Variants in HS3ST5 observed in about 807,000 individuals in gnomAD.
The protein encoded by HS3ST5 is heparan sulfate glucosamine 3-O-sulfotransferase 5.
A neutral mutation model predicts 25.4 loss-of-function variants in HS3ST5; 10 were observed. That is an observed-to-expected ratio of 0.39 (90% CI 0.24 to 0.67). The LOEUF (loss-of-function observed/expected upper bound fraction) is 0.67, where lower values mean the gene tolerates loss of function less well. HS3ST5 is among the 30% of genes least tolerant of loss of function. The pLI, the probability that HS3ST5 is intolerant of heterozygous loss-of-function variation, is 0.44. For synonymous variants in HS3ST5, 170 were observed against 162.4 expected (o/e 1.05, Z -0.36); for missense variants, 324 against 420.7 (o/e 0.77, Z 2.01).
intron 3 of HS3ST5, among the ~76,000 whole-genome samples, chr6:114,160,162 A>T (rs187391559): frequency 9.8e-5 from 15 of 152,332 alleles, no homozygotes; most frequent in Admixed American, 9.8e-4. Context: ...GCCTGGCAGC[A>T]ATAGGCGTGC....
At chr6:114,134,024 C>T (rs1777475412) in intron 3 of HS3ST5, among the ~76,000 whole-genome samples, 1 of 151,476 alleles carries the variant, frequency 6.6e-6, no homozygotes, top group South Asian at 2.1e-4. Context: ...TAGTGGGAGG[C>T]GGTGGCTGGA....
At position 114,161,521 on chromosome 6, in the gene HS3ST5, T is replaced by TCATATA. The variant is rs1778947740; in HGVS notation, c.-33+6829_-33+6830insTATATG. On this transcript the variant is annotated intron_variant, in intron 3 of 4. Coordinates refer to ENST00000312719, the MANE Select transcript of HS3ST5 (RefSeq NM_153612.4). The stretch of plus-strand genomic sequence containing the variant: ...AAAACGACAGTTGCTTCCTGAAGTT[T>TCATATA]TATATATATATATATATATATATAT... Among the ~76,000 whole-genome samples, 9 of 33,540 alleles carry TCATATA rather than the reference T, an allele frequency of 2.7e-4. 1 individual carries two copies. In the South Asian group the frequency reaches 0.013, roughly 47 times the overall value. The allele number at this position is 33,540 out of a possible 152,430, so 22.0% of individuals were successfully genotyped here.
At chr6:114,062,059 G>T (rs956300693) in intron 4 of HS3ST5, among the ~76,000 whole-genome samples, 1 of 152,150 alleles carries the variant, frequency 6.6e-6, no homozygotes, top group Non-Finnish European at 1.5e-5. Flanking sequence ...CATTTACTGT[G>T]AAGCCAGCTG....
chr6:114,095,114 A>G (rs1283967864), intron 3 of HS3ST5, among the ~76,000 whole-genome samples: 1 of 152,218 alleles, frequency 6.6e-6, no homozygotes, highest in East Asian at 1.9e-4. Flanking sequence ...TTGATGAGGT[A>G]ATAAATGCAT....
intron 3 of HS3ST5, among the ~76,000 whole-genome samples, 196 bp downstream of exon 3, chr6:114,168,155 G>A (rs1053145024): frequency 6.6e-6 from 1 of 152,122 alleles, no homozygotes; most frequent in Non-Finnish European, 1.5e-5. Flanking sequence ...GGGCAATACT[G>A]AGGCAGGAAG....
At chr6:114,154,120 GA>G (rs1174603441) in intron 3 of HS3ST5, among the ~76,000 whole-genome samples, 6 of 152,238 alleles carry the variant, frequency 3.9e-5, no homozygotes, top group African/African-American at 1.2e-4. Context: ...GTCTATTAAC[GA>G]AGGAGAGGTA....
At position 114,341,383 on chromosome 6, in the gene HS3ST5, G is replaced by T. The variant is rs116111200; in HGVS notation, c.-339+812C>A. Among the ~76,000 whole-genome samples the T allele has an allele frequency of 7.6e-3, 1,154 of 152,242 alleles. 12 individuals carry two copies. Among genetic ancestry groups the T allele is most frequent in the African/African-American group, 0.027 (1,107 of 41,538 alleles). ...TAGAGGAAACCCACCAAGGTGAAGT[G>T]ACTCCGGAGTTGTTTGTTTGCTGGG... On this transcript the variant is annotated intron_variant, in intron 1 of 4. Coordinates refer to ENST00000312719, the MANE Select transcript of HS3ST5 (RefSeq NM_153612.4).
chr6:114,069,998 G>A (rs573255119), intron 3 of HS3ST5, among the ~76,000 whole-genome samples: 2 of 152,178 alleles, frequency 1.3e-5, no homozygotes, highest in East Asian at 3.9e-4. Context: ...TTGTTATATG[G>A]ATAAATCCTC....
chr6:114,235,615 T>A (rs149993634), intron 1 of HS3ST5: 1 of 152,184 alleles, frequency 6.6e-6, no homozygotes, highest in African/African-American at 2.4e-5. Flanking sequence ...ATTTTGGATT[T>A]TTTTTCTTCT....
Position 114,230,878 on chromosome 6 carries a change from G to A in HS3ST5, c.-338-2100C>T, listed in dbSNP as rs546570498. 3.6e-4 allele frequency among the ~76,000 whole-genome samples: 55 copies of A among 152,078 alleles called. No individual in the cohort carries two copies. In the East Asian group the frequency reaches 8.3e-3, roughly 23 times the overall value. On this transcript the variant is annotated intron_variant, in intron 1 of 4. Transcript: ENST00000312719. ...GCTGGGATTACAGGCTCGAGCCACC[G>A]CGCCCGGCCCCTAAGACGTACTTCT...
At chr6:114,119,925 T>C (rs1034351526) in intron 3 of HS3ST5, among the ~76,000 whole-genome samples, 5 of 152,006 alleles carry the variant, frequency 3.3e-5, no homozygotes, top group African/African-American at 1.2e-4. Context: ...GGTGGGTGGA[T>C]CTCAAGGTCA....
chr6:114,284,958 T>C (rs1315991364), intron 1 of HS3ST5, among the ~76,000 whole-genome samples: 7 of 152,072 alleles, frequency 4.6e-5, no homozygotes, highest in Non-Finnish European at 1.0e-4. Context: ...TGACCCATTA[T>C]CTAAGGGGCT....
rs1390659143 is a variant in HS3ST5, at chr6:114,337,196, T to C, written c.-339+4999A>G. Among the ~76,000 whole-genome samples the C allele has an allele frequency of 2.0e-5, 3 of 152,202 alleles. No homozygotes were observed. In the East Asian group the frequency reaches 5.8e-4, roughly 29 times the overall value. ...ATGACAAAATAAAATGTCTATTCAG[T>C]ATTAAATCACATCTTAAAACTGTGC... On this transcript the variant is annotated intron_variant, in intron 1 of 4. Transcript: ENST00000312719.
intron 3 of HS3ST5, among the ~76,000 whole-genome samples, chr6:114,074,102 C>G (rs958517337): frequency 1.1e-4 from 16 of 151,862 alleles, no homozygotes; most frequent in Non-Finnish European, 1.8e-4. Context: ...AATGAGAACA[C>G]ATGGACACAG....
intron 1 of HS3ST5, among the ~76,000 whole-genome samples, chr6:114,249,277 TG>T (rs1772531220): frequency 6.6e-6 from 1 of 152,256 alleles, no homozygotes; most frequent in Non-Finnish European, 1.5e-5. Context: ...GGCCCTTACA[TG>T]TTTTTCTTAT....
intron 1 of HS3ST5, among the ~76,000 whole-genome samples, chr6:114,242,979 C>G (rs146425185): frequency 1.3e-5 from 2 of 152,128 alleles, no homozygotes; most frequent in African/African-American, 4.8e-5. Context: ...GCTTGGGCAA[C>G]GCTTGCACTA....
At chr6:114,159,903 G>A (rs1778859591) in intron 3 of HS3ST5, among the ~76,000 whole-genome samples, 1 of 152,182 alleles carries the variant, frequency 6.6e-6, no homozygotes. Context: ...AAACAAATAT[G>A]TTTGATGAGA....
chr6:114,070,238 A>G (rs374925850), intron 3 of HS3ST5, among the ~76,000 whole-genome samples: 1 of 151,900 alleles, frequency 6.6e-6, no homozygotes, highest in East Asian at 1.9e-4. Flanking sequence ...ACTCCACCCA[A>G]ATTACCTGCC....
chr6:114,295,009 A>G (rs1774754039), intron 1 of HS3ST5, among the ~76,000 whole-genome samples: 1 of 152,232 alleles, frequency 6.6e-6, no homozygotes, highest in African/African-American at 2.4e-5. Context: ...TACTTATGTA[A>G]TAATGGTGAA....
Sources: allele counts gnomAD v4.1 joint callset (sites outside exome capture counted in the v4.1 genomes callset), GRCh38; gene constraint gnomAD v4.1.1; transcripts MANE v1.5; gene names NCBI Gene and HGNC (gene_info 2026-07-23, HGNC 2026-07-21).